Variants in ASTN2 observed in about 807,000 individuals in gnomAD.
ASTN2 encodes astrotactin-2.
A neutral mutation model predicts 139.8 loss-of-function variants in ASTN2; 54 were observed. The ratio of observed to expected loss-of-function variants is 0.39; its 90% confidence interval spans 0.31 to 0.48. ASTN2 has a LOEUF of 0.48. ASTN2 is among the 20% of genes least tolerant of loss of function. The probability of loss-of-function intolerance (pLI) is 0.95; values close to 1 mark genes in which losing one functional copy is unlikely to be tolerated. For synonymous variants in ASTN2, 756 were observed against 719.5 expected (o/e 1.05, Z -0.81); for missense variants, 1,565 against 1,725.1 (o/e 0.91, Z 1.64).
At chr9:116,656,302 T>C (rs1287726962) in intron 16 of ASTN2, among the ~76,000 whole-genome samples, 1 of 152,186 alleles carries the variant, frequency 6.6e-6, no homozygotes, top group East Asian at 1.9e-4. Flanking sequence ...AACTAATAAA[T>C]GATTGTAGTC....
At chr9:117,147,826 C>G (rs1484738044) in intron 3 of ASTN2, among the ~76,000 whole-genome samples, 1 of 152,148 alleles carries the variant, frequency 6.6e-6, no homozygotes, top group Non-Finnish European at 1.5e-5. Flanking sequence ...TATGGTGACT[C>G]CAATGCTCTG....
intron 21 of ASTN2, among the ~76,000 whole-genome samples, chr9:116,441,849 T>C (rs1847848784): frequency 6.6e-6 from 1 of 152,222 alleles, no homozygotes; most frequent in African/African-American, 2.4e-5. Context: ...GTGGATCTGA[T>C]TGACTGATTA....
chr9:116,523,999 C>T (rs1461343313), intron 19 of ASTN2, among the ~76,000 whole-genome samples: 1 of 152,098 alleles, frequency 6.6e-6, no homozygotes, highest in African/African-American at 2.4e-5. Context: ...GAGAGAAAGG[C>T]CATTTTTTTT....
At position 116,573,020 on chromosome 9, in the gene ASTN2, C is replaced by CACACACACACACAA. The variant is rs1554715499; in HGVS notation, c.3355+45303_3355+45304insTTGTGTGTGTGTGT. Among the ~76,000 whole-genome samples, 194 of 151,672 alleles carry CACACACACACACAA rather than the reference C, an allele frequency of 1.3e-3. 1 individual carries two copies. The highest frequency in any genetic ancestry group is 4.3e-3 in the African/African-American group (178 of 41,280). ...GCACACATGTGGGTACATGCACACA[C>CACACACACACACAA]ACACACACACACACATATATACACA... is the stretch of plus-strand genomic sequence containing the variant. On this transcript the variant is annotated intron_variant, in intron 19 of 22. Transcript: ENST00000313400.
intron 19 of ASTN2, among the ~76,000 whole-genome samples, chr9:116,492,044 C>G (rs916882756): frequency 8.6e-5 from 13 of 151,356 alleles, no homozygotes; most frequent in Non-Finnish European, 1.6e-4. Flanking sequence ...ACAGTAAGAG[C>G]TTAAAATGTG....
At chr9:117,235,083 A>G (rs1017332390) in intron 2 of ASTN2, among the ~76,000 whole-genome samples, 1 of 152,170 alleles carries the variant, frequency 6.6e-6, no homozygotes, top group Non-Finnish European at 1.5e-5. Flanking sequence ...GAAATAAAAA[A>G]ATTAGCTGAG....
At chr9:117,061,736 T>C (rs914398956) in intron 5 of ASTN2, among the ~76,000 whole-genome samples, 2 of 152,172 alleles carry the variant, frequency 1.3e-5, no homozygotes, top group South Asian at 4.1e-4. Context: ...TCATCACCCT[T>C]GAACTTTCAA....
intron 7 of ASTN2, among the ~76,000 whole-genome samples, chr9:116,994,195 T>C (rs189494711): frequency 2.6e-5 from 4 of 152,252 alleles, no homozygotes; most frequent in Admixed American, 2.6e-4. Flanking sequence ...TTACAAGCCA[T>C]AGGGTTGTGA....
intron 5 of ASTN2, among the ~76,000 whole-genome samples, chr9:117,043,189 T>C (rs1168051727): frequency 6.6e-6 from 1 of 152,038 alleles, no homozygotes; most frequent in Non-Finnish European, 1.5e-5. Context: ...GTTTTTTATC[T>C]AGATTTTATG....
At chr9:117,065,463 CA>C in intron 5 of ASTN2, among the ~76,000 whole-genome samples, 1 of 152,112 alleles carries the variant, frequency 6.6e-6, no homozygotes, top group East Asian at 1.9e-4. Flanking sequence ...TGGATTTGCA[CA>C]AACCTCTTTG....
intron 20 of ASTN2, among the ~76,000 whole-genome samples, chr9:116,484,101 A>AC: frequency 6.6e-6 from 1 of 152,238 alleles, no homozygotes; most frequent in Admixed American, 6.5e-5. Context: ...AGATAGTGGG[A>AC]CCCCAACTTG....
chr9:116,974,800 C>T lies in ASTN2; in HGVS notation c.1889+408G>A, dbSNP rs547235100. On this transcript the variant is annotated intron_variant, in intron 10 of 22. Coordinates refer to ENST00000313400, the MANE Select transcript of ASTN2 (RefSeq NM_001365068.1). ...CTGGGATTACAGGCGTGAGCCACCA[C>T]GCCTGGTCTTTAGCCTGGACATTTA... 9.7e-4 allele frequency among the ~76,000 whole-genome samples: 148 copies of T among 152,176 alleles called. 1 individual carries two copies. The highest frequency in any genetic ancestry group is 1.0e-3 in the Non-Finnish European group (70 of 67,980).
chr9:116,632,283 AAG>A (rs1175363468), intron 17 of ASTN2, among the ~76,000 whole-genome samples: 3 of 150,062 alleles, frequency 2.0e-5, no homozygotes, highest in Non-Finnish European at 3.0e-5. Context: ...GAAAGAAAGA[AAG>A]ATCACAAGTA....
rs149654913 is a variant in ASTN2, at chr9:116,817,919, G to T, written c.2207+2698C>A. 6.0e-3 allele frequency among the ~76,000 whole-genome samples: 915 copies of T among 152,262 alleles called. 6 individuals are homozygous for T. Among genetic ancestry groups the T allele is most frequent in the African/African-American group, 0.021 (881 of 41,544 alleles). Reference sequence around the variant, plus strand: ...CTTGCCAAAGATCACATGACTAGATGTGGCCAGAGGTCAGCAATGACATCA... The same window carrying T: ...CTTGCCAAAGATCACATGACTAGATTTGGCCAGAGGTCAGCAATGACATCA... On this transcript the variant is annotated intron_variant, in intron 12 of 22. Coordinates refer to ENST00000313400, the MANE Select transcript of ASTN2 (RefSeq NM_001365068.1).
intron 10 of ASTN2, among the ~76,000 whole-genome samples, chr9:116,974,437 G>T (rs909734307): frequency 2.0e-5 from 3 of 151,732 alleles, no homozygotes; most frequent in Admixed American, 6.6e-5. Context: ...GCTACAAGCT[G>T]CAGGATAATG....
intron 19 of ASTN2, among the ~76,000 whole-genome samples, chr9:116,537,511 C>G (rs1035730271): frequency 6.6e-6 from 1 of 152,164 alleles, no homozygotes; most frequent in Non-Finnish European, 1.5e-5. Context: ...GTAATGTATA[C>G]ATGTGGTAGG....
At position 116,597,297 on chromosome 9, in the gene ASTN2, C is replaced by CT. The variant is rs1457732724; in HGVS notation, c.3355+21026dup. On this transcript the variant is annotated intron_variant, in intron 19 of 22. Transcript: ENST00000313400. The stretch of plus-strand genomic sequence containing the variant: ...TACAAAATATTCCATGACTTTTGAT[C>CT]TATTTTTTTTTTTTTTTTTTTTTTT... Among the ~76,000 whole-genome samples the CT allele has an allele frequency of 2.3e-4, 13 of 56,390 alleles. No homozygotes were observed. In the East Asian group the frequency reaches 5.1e-3, roughly 22 times the overall value. 37.0% of individuals were successfully genotyped at this position (56,390 alleles called of 152,430 possible).
At chr9:116,536,075 A>G (rs969177973) in intron 19 of ASTN2, among the ~76,000 whole-genome samples, 2 of 151,658 alleles carry the variant, frequency 1.3e-5, no homozygotes, top group Non-Finnish European at 2.9e-5. Context: ...TCTTTTCTCT[A>G]AACTTCTCTT....
chr9:116,827,306 TCCC>T (rs372957184), intron 11 of ASTN2, among the ~76,000 whole-genome samples: 594 of 48,640 alleles, frequency 0.012, 4 homozygotes, highest in African/African-American at 0.041. Context: ...CAAAACTCCA[TCCC>T]CCCCAAAAAA....
Sources: gnomAD v4.1 joint callset for allele counts (sites outside exome capture counted in the v4.1 genomes callset) on GRCh38, gnomAD v4.1.1 for gene constraint, MANE v1.5 for transcripts, NCBI Gene and HGNC (gene_info 2026-07-23, HGNC 2026-07-21) for gene names.